Variants in PHC2 observed in about 807,000 individuals in gnomAD.
PHC2 encodes the protein polyhomeotic-like protein 2.
In PHC2, 29 loss-of-function variants were observed where a neutral mutation model predicts 87.4. The ratio of observed to expected loss-of-function variants is 0.33; its 90% CI spans 0.25 to 0.45. The LOEUF (loss-of-function observed/expected upper bound fraction) is 0.45. Among genes scored for constraint, PHC2 ranks in the 20% least tolerant of loss-of-function variants. The probability of loss-of-function intolerance (pLI) is 1.00; values close to 1 mark genes in which losing one functional copy is unlikely to be tolerated. For synonymous variants in PHC2, 438 were observed against 461.7 expected (o/e 0.95, Z 0.66); for missense variants, 857 against 1,136.7 (o/e 0.75, Z 3.54).
At chr1:33,363,453 G>C (rs1382629701) in intron 7 of PHC2, among the ~76,000 whole-genome samples, 1 of 152,150 alleles carries the variant, frequency 6.6e-6, no homozygotes, top group Non-Finnish European at 1.5e-5. Flanking sequence ...GGGAAATAGG[G>C]TACCCAAGAA....
chr1:33,349,309 G>A lies in PHC2; in HGVS notation c.1558+5092C>T, dbSNP rs972878616. 12 of 983,272 alleles carry A rather than the reference G, an allele frequency of 1.2e-5. No individual in the cohort carries two copies. In the African/African-American group the frequency reaches 1.9e-4, roughly 16 times the overall value. The allele number at this position is 983,272 out of a possible 1,614,324, so 60.9% of individuals were successfully genotyped here. ...GCAGCGGCGGGGAGGCCGGTCCTAG[G>A]TTGGGGCTGGGGTGGGGTGTGCGGG... On this transcript the variant is annotated intron_variant, in intron 9 of 14. Coordinates refer to ENST00000683057, the MANE Select transcript of PHC2 (RefSeq NM_001385109.1). This position sits in a 1 kb window ranked among gnomAD's most constrained non-coding sequence, Gnocchi z 4.2.
At chr1:33,340,914 TG>T (rs1279966959) in intron 9 of PHC2, among the ~76,000 whole-genome samples, 3 of 18,654 alleles carry the variant, frequency 1.6e-4, no homozygotes, top group Non-Finnish European at 2.3e-4. Context: ...AATTTAGGGA[TG>T]GGGTGGGGGA....
chr1:33,365,303 G>A (rs758113756), intron 7 of PHC2, among the ~76,000 whole-genome samples: 1 of 152,174 alleles, frequency 6.6e-6, no homozygotes, highest in East Asian at 1.9e-4. Context: ...TGCTGGTCCC[G>A]TTTCTGTCCA....
At chr1:33,328,505 C>A (rs761485430) in intron 14 of PHC2, among the ~76,000 whole-genome samples, 2 of 151,718 alleles carry the variant, frequency 1.3e-5, no homozygotes, top group African/African-American at 2.4e-5. Context: ...TGTGAGCCAC[C>A]ACACCTGGCT....
At chr1:33,385,104 A>T (rs149181110) in intron 1 of PHC2, among the ~76,000 whole-genome samples, 1 of 152,176 alleles carries the variant, frequency 6.6e-6, no homozygotes, top group Non-Finnish European at 1.5e-5. Flanking sequence ...GAGAGGGGAA[A>T]TGAAAGATGA....
At chr1:33,329,632 A>G (rs1233399479) in intron 13 of PHC2, among the ~76,000 whole-genome samples, 1 of 152,208 alleles carries the variant, frequency 6.6e-6, no homozygotes, top group Non-Finnish European at 1.5e-5. Context: ...AAAATATTTA[A>G]TGACTGAATA....
intron 9 of PHC2, chr1:33,347,732 CAG>C: frequency 1.0e-6 from 1 of 985,430 alleles, no homozygotes; most frequent in Non-Finnish European, 1.2e-6. Context: ...AGCCTGGAAA[CAG>C]ATCTTGGGTG....
intron 6 of PHC2, among the ~76,000 whole-genome samples, chr1:33,367,798 A>G (rs1647567404): frequency 6.6e-6 from 1 of 152,118 alleles, no homozygotes; most frequent in African/African-American, 2.4e-5. Flanking sequence ...GAGGGGGAGC[A>G]TGGGGCTTCC....
At chr1:33,344,875 G>A (rs1410776890) in intron 9 of PHC2, among the ~76,000 whole-genome samples, 2 of 152,034 alleles carry the variant, frequency 1.3e-5, no homozygotes, top group African/African-American at 4.8e-5. Flanking sequence ...CCCCAGGCAT[G>A]AGCCACCGTG....
At chr1:33,363,745 G>C in intron 7 of PHC2, 1 of 985,038 alleles carries the variant, frequency 1.0e-6, no homozygotes, top group South Asian at 4.7e-5. Context: ...CTTTGGGCCT[G>C]AGTGTGCACC....
intron 1 of PHC2, among the ~76,000 whole-genome samples, chr1:33,399,276 A>G (rs1649419002): frequency 6.6e-6 from 1 of 152,098 alleles, no homozygotes; most frequent in African/African-American, 2.4e-5. Context: ...CTAGAATAGT[A>G]CTCACACACA....
In PHC2 at chr1:33,331,313, G is replaced by C; in HGVS notation, c.2006+35C>G. 8.5e-7 allele frequency: 1 copy of C among 1,183,402 alleles called. No individual in the cohort carries two copies. The highest frequency in any genetic ancestry group is 1.3e-6 in the Non-Finnish European group (1 of 791,942). 73.3% of individuals were successfully genotyped at this position (1,183,402 alleles called of 1,614,324 possible). On this transcript the variant is annotated intron_variant, in intron 12 of 14. Transcript: ENST00000683057. The surrounding 1 kb of genome is among the most constrained non-coding windows in gnomAD (Gnocchi z 5.2). Reference sequence around the variant, plus strand: ...GGCAGGAGGTGGGACATAAAGTGCAGTCCTGGGGAAATGGAGGGGGCTGGG... The same window carrying C: ...GGCAGGAGGTGGGACATAAAGTGCACTCCTGGGGAAATGGAGGGGGCTGGG...
At chr1:33,348,389 T>C (rs1646885092) in intron 9 of PHC2, among the ~76,000 whole-genome samples, 1 of 152,176 alleles carries the variant, frequency 6.6e-6, no homozygotes, top group Non-Finnish European at 1.5e-5. Context: ...AGTTCCAACA[T>C]TTGGGTTGAC....
chr1:33,325,296 AGGAAGTGACAG>A (rs1206519952), intron 14 of PHC2: 2 of 355,880 alleles, frequency 5.6e-6, no homozygotes, highest in South Asian at 4.9e-5. Context: ...TAAAGTGCTG[AGGAAGTGACAG>A]CGTGTGATTT....
intron 1 of PHC2, among the ~76,000 whole-genome samples, chr1:33,389,963 T>C (rs1648967373): frequency 1.3e-5 from 2 of 152,168 alleles, no homozygotes; most frequent in Non-Finnish European, 2.9e-5. Context: ...TTATGAAACG[T>C]AGGTAGCTAA....
Position 33,408,193 on chromosome 1 carries a change from G to A in PHC2, c.-55+22783C>T, listed in dbSNP as rs146183281. Among the ~76,000 whole-genome samples the A allele has an allele frequency of 2.0e-5, 3 of 152,332 alleles. No homozygotes were observed. The East Asian group carries it at 5.8e-4, about 29-fold the overall frequency. ...GGAAGTGAAAGTTTCTGGATTAAGTGTGATGGAAAGCTGGAGAGGGAGTGA... is the reference window on the plus strand; with the variant it reads ...GGAAGTGAAAGTTTCTGGATTAAGTATGATGGAAAGCTGGAGAGGGAGTGA... On this transcript the variant is annotated intron_variant, in intron 1 of 14. Coordinates refer to ENST00000683057, the MANE Select transcript of PHC2 (RefSeq NM_001385109.1).
At chr1:33,356,273 A>ATATATATATATATATATACT (rs1214385469) in intron 7 of PHC2, among the ~76,000 whole-genome samples, 1 of 94,504 alleles carries the variant, frequency 1.1e-5, no homozygotes, top group Non-Finnish European at 2.3e-5. Flanking sequence ...ATATATATAT[A>ATATATATATATATATATACT]TATGTATATA....
chr1:33,397,426 C>T (rs566475080), intron 1 of PHC2, among the ~76,000 whole-genome samples: 30 of 152,296 alleles, frequency 2.0e-4, no homozygotes, highest in Non-Finnish European at 4.0e-4. Context: ...GGGTCATTCA[C>T]GTGCACATTA....
Position 33,349,650 on chromosome 1 carries a change from C to T in PHC2, c.1558+4751G>A, listed in dbSNP as rs1195792716. The T allele has an allele frequency of 4.6e-5, 45 of 983,044 alleles. No homozygotes were observed. Among genetic ancestry groups the T allele is most frequent in the Non-Finnish European group, 5.4e-5 (45 of 829,322 alleles). 60.9% of individuals were successfully genotyped at this position (983,044 alleles called of 1,614,324 possible). A position where few individuals can be genotyped will look rare whatever the true frequency, so the allele number is the denominator to read the frequency against. ...GGCGGGGCCTACGCAGCCCCTCGGC[C>T]GGGCGCCGACTCGCGCGGGGTCCCG... On this transcript the variant is annotated intron_variant, in intron 9 of 14. Coordinates refer to ENST00000683057, the MANE Select transcript of PHC2 (RefSeq NM_001385109.1). This position sits in a 1 kb window ranked among gnomAD's most constrained non-coding sequence, Gnocchi z 4.2.
Sources: allele counts gnomAD v4.1 joint callset (sites outside exome capture counted in the v4.1 genomes callset), GRCh38; gene constraint gnomAD v4.1.1; non-coding constraint Gnocchi (gnomAD v3.1); transcripts MANE v1.5; gene names NCBI Gene and HGNC (gene_info 2026-07-23, HGNC 2026-07-21).